The following CNDP2 variants were observed in gnomAD, a reference collection of about 807,000 sequenced individuals.
The protein encoded by CNDP2 is cytosolic non-specific dipeptidase.
Under a neutral mutation model 55.0 loss-of-function variants are expected in CNDP2, and 38 were observed. That is an observed-to-expected ratio of 0.69 (90% CI 0.53 to 0.90). The LOEUF (loss-of-function observed/expected upper bound fraction) is 0.90, where lower values mean the gene tolerates loss of function less well. Among genes scored for constraint, CNDP2 ranks in the 40% least tolerant of loss-of-function variants. CNDP2 has a pLI of 0.00. For missense variants in CNDP2, 607 were observed against 621.7 expected, an observed-to-expected ratio of 0.98 and a Z score of 0.25; for synonymous variants, 241 against 260.2, an observed-to-expected ratio of 0.93 and a Z score of 0.71.
In CNDP2 at chr18:74,520,046, A is replaced by C. The variant is rs374818588; in HGVS notation, c.1406A>C (p.Glu469Ala). 1 of 1,614,126 alleles carries C rather than the reference A, an allele frequency of 6.2e-7. No homozygotes were observed. Among genetic ancestry groups the C allele is most frequent in the South Asian group, 1.1e-5 (1 of 91,068 alleles). ...GTKMLAAYLY[E>A]VSQLKD is the part of the protein sequence containing the mutation. ...AAGATGCTGGCCGCGTACCTGTATG[A>C]GGTCTCCCAGCTGAAGGACTAGGCC... The change falls in exon 12 of 12, where the codon GAG becomes GCG. Residue 469 changes from glutamate (E) to alanine (A), a missense_variant. Transcript: ENST00000324262.
intron 4 of CNDP2, among the ~76,000 whole-genome samples, chr18:74,506,227 G>A (rs1979017486): frequency 6.6e-6 from 1 of 152,082 alleles, no homozygotes; most frequent in South Asian, 2.1e-4. Context: ...TCCGCCTCCC[G>A]GGGTTCAAGC....
chr18:74,505,632 G>A (rs1376664063), intron 3 of CNDP2, among the ~76,000 whole-genome samples: 2 of 151,872 alleles, frequency 1.3e-5, no homozygotes, highest in African/African-American at 4.8e-5. Flanking sequence ...CAAACTGCCT[G>A]CAATTGGCAA....
chr18:74,518,937 A>AT lies in CNDP2; in HGVS notation c.1211-9dup. The stretch of plus-strand genomic sequence containing the variant: ...CAAAGCTCACCGTTTATTTTATTTC[A>AT]TTTCCCCCCAGTTTTTGGTGTTGAG... On this transcript the variant is annotated splice_polypyrimidine_tract_variant and intron_variant, in intron 10 of 11. Coordinates refer to ENST00000324262, the MANE Select transcript of CNDP2 (RefSeq NM_018235.3). The AT allele has an allele frequency of 6.5e-7, 1 of 1,532,102 alleles. No individual in the cohort carries two copies. Among genetic ancestry groups the AT allele is most frequent in the East Asian group, 2.5e-5 (1 of 40,786 alleles). The allele number at this position is 1,532,102 out of a possible 1,614,324, so 94.9% of individuals were successfully genotyped here. A position where few individuals can be genotyped will look rare whatever the true frequency, so the allele number is the denominator to read the frequency against.
intron 2 of CNDP2, among the ~76,000 whole-genome samples, chr18:74,500,744 C>A (rs1450938594): frequency 6.6e-6 from 1 of 152,236 alleles, no homozygotes; most frequent in Non-Finnish European, 1.5e-5. Flanking sequence ...CTGGGAGCAT[C>A]GGCAAGCTAC....
At chr18:74,516,197 A>C in intron 8 of CNDP2, 31 bp from the exon 9 acceptor site, 4 of 1,582,384 alleles carry the variant, frequency 2.5e-6, no homozygotes, top group Non-Finnish European at 3.4e-6. Flanking sequence ...TGAATGCCTG[A>C]GGTGTCCCTG....
At position 74,516,307 on chromosome 18, in the gene CNDP2, C is replaced by G; in HGVS notation, c.983C>G (p.Ala328Gly). ...GAAGGCGCCTTCTCTGGGTCTGGGG[C>G]CAAGACCGTGATTCCCAGGAAGGTG... is the stretch of plus-strand genomic sequence containing the variant. Reference protein sequence around the residue: ...GIEGAFSGSGAKTVIPRKVVG... With the variant: ...GIEGAFSGSGGKTVIPRKVVG... Residue 328 changes from alanine (A) to glycine (G), a missense_variant, in exon 9 of 12, where the codon GCC (alanine) becomes GGC (glycine). Ala to Gly is a moderately conservative substitution (Grantham distance 60). Transcript: ENST00000324262. 8 of 1,614,154 alleles carry G rather than the reference C, an allele frequency of 5.0e-6. No homozygotes were observed. Among genetic ancestry groups the G allele is most frequent in the Non-Finnish European group, 6.8e-6 (8 of 1,180,002 alleles).
Position 74,500,030 on chromosome 18 carries a change from T to A in CNDP2, c.57T>A (p.Ile19=). Residue 19 remains isoleucine, a synonymous_variant, in exon 2 of 12, where the codon ATT becomes ATA. Coordinates refer to ENST00000324262, the MANE Select transcript of CNDP2 (RefSeq NM_018235.3). ...KYIDENQDRY[I]KKLAKWVAIQ... Reference sequence around the variant, plus strand: ...TAGATGAAAATCAGGATCGCTACATTAAGGTAAGGGAATATTCATTTTAGG... The same window carrying A: ...TAGATGAAAATCAGGATCGCTACATAAAGGTAAGGGAATATTCATTTTAGG... 6.2e-7 allele frequency: 1 copy of A among 1,613,228 alleles called. No homozygotes were observed.
Position 74,512,480 on chromosome 18 carries a change from G to A in CNDP2, c.690G>A (p.Gly230=). Residue 230 remains glycine, a synonymous_variant, in exon 7 of 12, where the codon GGG becomes GGA. Transcript: ENST00000324262. ...VECSNKDLHS[G]VYGGSVHEAM... ...GCAGCAACAAAGACCTCCATTCTGG[G>A]GTGTACGGGGGCTCGGTGCATGAGG... The A allele has an allele frequency of 6.2e-7, 1 of 1,613,954 alleles. No individual in the cohort carries two copies. The highest frequency in any genetic ancestry group is 8.5e-7 in the Non-Finnish European group (1 of 1,179,930).
chr18:74,505,517 T>G (rs1039589291), intron 3 of CNDP2, among the ~76,000 whole-genome samples: 2 of 151,554 alleles, frequency 1.3e-5, no homozygotes, highest in African/African-American at 4.9e-5. Flanking sequence ...AAGAATCGCT[T>G]GAGCCTGGGA....
intron 2 of CNDP2, chr18:74,501,075 GT>G (rs752540335): frequency 2.3e-3 from 1,812 of 780,020 alleles, no homozygotes; most frequent in Non-Finnish European, 2.5e-3. Context: ...TCACTTCCTT[GT>G]TTTTTTTTTG....
chr18:74,520,039 C>A lies in CNDP2; in HGVS notation c.1399C>A (p.Leu467Met). 6.2e-7 allele frequency: 1 copy of A among 1,614,152 alleles called. No homozygotes were observed. The highest frequency in any genetic ancestry group is 1.1e-5 in the South Asian group (1 of 91,074). The stretch of plus-strand genomic sequence containing the variant: ...GGGAACCAAGATGCTGGCCGCGTAC[C>A]TGTATGAGGTCTCCCAGCTGAAGGA... Reference protein sequence around the residue: ...IEGTKMLAAYLYEVSQLKD With the variant: ...IEGTKMLAAYMYEVSQLKD The change falls in exon 12 of 12, where the codon CTG becomes ATG. Residue 467 changes from leucine to methionine, a missense_variant. Leu to Met is a conservative substitution (Grantham distance 15). Transcript: ENST00000324262.
rs956001767 is a variant in CNDP2, at chr18:74,512,244, G to T, written c.658-204G>T. The T allele has an allele frequency of 9.1e-6, 5 of 551,912 alleles. No individual in the cohort carries two copies. The Admixed American group carries it at 1.3e-4, about 14-fold the overall frequency. 34.2% of individuals were successfully genotyped at this position (551,912 alleles called of 1,614,324 possible). A position where few individuals can be genotyped will look rare whatever the true frequency, so the allele number is the denominator to read the frequency against. ...AGTGTTACCGTCTTATCTGTGGTTG[G>T]CATATGCCACAGATAAGCTGGTATG... On this transcript the variant is annotated intron_variant, in intron 6 of 11. Transcript: ENST00000324262.
intron 3 of CNDP2, among the ~76,000 whole-genome samples, chr18:74,504,238 C>A (rs1269955392): frequency 4.0e-5 from 6 of 149,662 alleles, no homozygotes; most frequent in Admixed American, 4.0e-4. Flanking sequence ...ACACACGCAG[C>A]CACAGTGCCG....
chr18:74,506,035 GCC>G (rs35061137), intron 4 of CNDP2, 24 bp downstream of exon 4: 1 of 1,532,252 alleles, frequency 6.5e-7, no homozygotes, highest in Admixed American at 2.3e-5. Context: ...GCCTATGCGT[GCC>G]CAGAGGAAAG....
chr18:74,501,373 G>C lies in CNDP2; in HGVS notation c.105G>C (p.Pro35=), dbSNP rs2303463. The change falls in exon 3 of 12, where the codon CCG becomes CCC. Residue 35 remains proline, a synonymous_variant. Coordinates refer to ENST00000324262, the MANE Select transcript of CNDP2 (RefSeq NM_018235.3). ...CTATCCAGAGTGTGTCTGCGTGGCC[G>C]GAGAAGAGAGGCGAAATCAGGAGGA... is the stretch of plus-strand genomic sequence containing the variant. ...WVAIQSVSAW[P]EKRGEIRRMM... 1.2e-6 allele frequency: 2 copies of C among 1,613,780 alleles called. No homozygotes were observed. Among genetic ancestry groups the C allele is most frequent in the Non-Finnish European group, 1.7e-6 (2 of 1,179,968 alleles).
In CNDP2 at chr18:74,520,683, A is replaced by C. The variant is rs543695799; in HGVS notation, c.*615A>C. 1 of 153,036 alleles carries C rather than the reference A, an allele frequency of 6.5e-6. No individual in the cohort carries two copies. The highest frequency in any genetic ancestry group is 1.5e-5 in the Non-Finnish European group (1 of 68,812). The allele number at this position is 153,036 out of a possible 1,614,324, so 9.5% of individuals were successfully genotyped here. A position where few individuals can be genotyped will look rare whatever the true frequency, so the allele number is the denominator to read the frequency against. ...CAAGAAATTTTTTAAAAATGAGCCA[A>C]GTGTGGTGGTGCATGCCTGTAGTTC... On this transcript the variant is annotated 3_prime_UTR_variant, in exon 12 of 12. Coordinates refer to ENST00000324262, the MANE Select transcript of CNDP2 (RefSeq NM_018235.3).
At chr18:74,511,546 A>G (rs1317337229) in intron 6 of CNDP2, among the ~76,000 whole-genome samples, 3 of 152,090 alleles carry the variant, frequency 2.0e-5, no homozygotes, top group African/African-American at 7.2e-5. Flanking sequence ...GTCTCCACTA[A>G]AAATACAAAA....
rs756878229 is a variant in CNDP2, at chr18:74,513,674, G to A, written c.858G>A (p.Glu286=). The A allele has an allele frequency of 1.2e-6, 2 of 1,613,968 alleles. No homozygotes were observed. The highest frequency in any genetic ancestry group is 1.7e-6 in the Non-Finnish European group (2 of 1,180,010). The change falls in exon 8 of 12, where the codon GAG becomes GAA. Residue 286 remains glutamate (E), a synonymous_variant. Transcript: ENST00000324262. The part of the protein sequence containing the change: ...LYDDIDFDIE[E]FAKDVGAQIL... ...ACGACATCGACTTTGACATAGAGGA[G>A]TTTGCCAAGGATGTGGGGGCGCAGA...
chr18:74,510,236 G>A (rs964905196), intron 5 of CNDP2, among the ~76,000 whole-genome samples: 6 of 152,226 alleles, frequency 3.9e-5, no homozygotes, highest in African/African-American at 1.4e-4. Flanking sequence ...CAGTAGCCTT[G>A]AGTCCTCATT....
Sources: allele counts gnomAD v4.1 joint callset (sites outside exome capture counted in the v4.1 genomes callset), GRCh38; gene constraint gnomAD v4.1.1; transcripts MANE v1.5; gene names NCBI Gene and HGNC (gene_info 2026-07-23, HGNC 2026-07-21).